The following PIK3R1 variants were observed in gnomAD, a reference collection of about 807,000 sequenced individuals.
PIK3R1 encodes phosphoinositide-3-kinase regulatory subunit 1.
Under a neutral mutation model 98.0 loss-of-function variants are expected in PIK3R1, and 29 were observed. The observed-to-expected ratio is 0.30, with a 90% confidence interval of 0.22 to 0.40. The LOEUF (loss-of-function observed/expected upper bound fraction) is 0.40, where lower values mean the gene tolerates loss of function less well. Among genes scored for constraint, PIK3R1 ranks in the 10% least tolerant of loss-of-function variants. The pLI is 1.00. For synonymous variants in PIK3R1, 282 were observed against 311.8 expected, an observed-to-expected ratio of 0.90 and a Z score of 1.01; for missense variants, 596 against 872.7, an observed-to-expected ratio of 0.68 and a Z score of 3.99.
chr5:68,239,362 TTAAAG>T (rs1322179838), intron 2 of PIK3R1, among the ~76,000 whole-genome samples: 1 of 152,058 alleles, frequency 6.6e-6, no homozygotes, highest in African/African-American at 2.4e-5. Flanking sequence ...TATGACTACT[TTAAAG>T]AAATACAGAC....
At chr5:68,223,521 G>A (rs1213415068) in intron 1 of PIK3R1, among the ~76,000 whole-genome samples, 1 of 152,116 alleles carries the variant, frequency 6.6e-6, no homozygotes, top group Non-Finnish European at 1.5e-5. Flanking sequence ...GACAGAAATG[G>A]TGTGTTCTAT....
chr5:68,244,343 A>G (rs251401), intron 2 of PIK3R1, among the ~76,000 whole-genome samples: 142,396 of 152,202 alleles, frequency 0.94, 66,778 homozygotes, highest in African/African-American at 0.98. Flanking sequence ...GACTAAATGG[A>G]TCATAATTAA....
chr5:68,295,563 T>C, intron 14 of PIK3R1, 75 bp downstream of exon 14: 1 of 1,259,998 alleles, frequency 7.9e-7, no homozygotes, highest in Non-Finnish European at 1.2e-6. Context: ...GCTTTGTTTT[T>C]AGAACAAGTG....
At chr5:68,240,843 G>A (rs1744848257) in intron 2 of PIK3R1, among the ~76,000 whole-genome samples, 1 of 152,056 alleles carries the variant, frequency 6.6e-6, no homozygotes, top group South Asian at 2.1e-4. Context: ...TATTCTAGAA[G>A]AGAAGGATGA....
At position 68,260,991 on chromosome 5, in the gene PIK3R1, T is replaced by G. The variant is rs1580214651; in HGVS notation, c.335-12399T>G. Among the ~76,000 whole-genome samples the G allele has an allele frequency of 3.9e-5, 6 of 152,266 alleles. No individual in the cohort carries two copies. The South Asian group carries it at 1.2e-3, about 32-fold the overall frequency. ...AACCACCTATCCCCTGGGTTAGAAA[T>G]TATAAGTTAGTGTAGCCCAGTGAAG... On this transcript the variant is annotated intron_variant, in intron 2 of 15. Coordinates refer to ENST00000521381, the MANE Select transcript of PIK3R1 (RefSeq NM_181523.3).
chr5:68,241,923 A>T (rs564278602), intron 2 of PIK3R1, among the ~76,000 whole-genome samples: 1 of 152,392 alleles, frequency 6.6e-6, no homozygotes, highest in South Asian at 2.1e-4. Context: ...GATATTAAAA[A>T]TGCTTGATTG....
chr5:68,299,679 C>T lies in PIK3R1; in HGVS notation c.*2078C>T, dbSNP rs578137604. 93 of 233,150 alleles carry T rather than the reference C, an allele frequency of 4.0e-4. 2 individuals carry two copies. In the South Asian group the frequency reaches 0.016, roughly 41 times the overall value. 14.4% of individuals were successfully genotyped at this position (233,150 alleles called of 1,614,324 possible). A position where few individuals can be genotyped will look rare whatever the true frequency, so the allele number is the denominator to read the frequency against. On this transcript the variant is annotated 3_prime_UTR_variant, in exon 16 of 16. Coordinates refer to ENST00000521381, the MANE Select transcript of PIK3R1 (RefSeq NM_181523.3). The stretch of plus-strand genomic sequence containing the variant: ...CCACAGCTATATTTCTGTTTAAGTA[C>T]TAGGGTGAGGGTTTTCTGTTACTTT...
At chr5:68,270,643 T>A (rs1021389954) in intron 2 of PIK3R1, among the ~76,000 whole-genome samples, 12 of 152,170 alleles carry the variant, frequency 7.9e-5, no homozygotes, top group Admixed American at 5.2e-4. Flanking sequence ...TTTAGCTTTT[T>A]GAGATTTGGG....
intron 4 of PIK3R1, among the ~76,000 whole-genome samples, chr5:68,277,660 C>A (rs1374142128): frequency 1.3e-5 from 2 of 152,152 alleles, no homozygotes; most frequent in Admixed American, 6.5e-5. Context: ...TAGGATACTA[C>A]CTTCTCCCAC....
chr5:68,288,379 AG>A (rs1747170666), intron 7 of PIK3R1: 1 of 1,121,762 alleles, frequency 8.9e-7, no homozygotes, highest in Admixed American at 4.9e-5. Flanking sequence ...TCTTTATCTA[AG>A]GGAGACGTGC....
chr5:68,217,292 G>A (rs1252548677), intron 1 of PIK3R1, among the ~76,000 whole-genome samples: 1 of 152,102 alleles, frequency 6.6e-6, no homozygotes, highest in Non-Finnish European at 1.5e-5. Context: ...GTTCTGTTAC[G>A]TTTTGGCAAC....
At chr5:68,292,140 A>G in intron 7 of PIK3R1, 119 bp from the exon 8 acceptor site, 1 of 570,324 alleles carries the variant, frequency 1.8e-6, no homozygotes, top group Non-Finnish European at 3.2e-6. Flanking sequence ...ATTGTGAACT[A>G]ATGCTATATA....
In PIK3R1 at chr5:68,297,836, T is replaced by G. The variant is rs985320427; in HGVS notation, c.*235T>G. 1.1e-5 allele frequency: 4 copies of G among 358,814 alleles called. No individual in the cohort carries two copies. Among genetic ancestry groups the G allele is most frequent in the African/African-American group, 2.1e-5 (1 of 47,990 alleles). The allele number at this position is 358,814 out of a possible 1,614,324, so 22.2% of individuals were successfully genotyped here. A position where few individuals can be genotyped will look rare whatever the true frequency, so the allele number is the denominator to read the frequency against. ...GTGCTTATCCCTTCTTTTTCTTTTT[T>G]TCTTTGGTTTAATTTAAAGCCACAA... On this transcript the variant is annotated 3_prime_UTR_variant, in exon 16 of 16. Transcript: ENST00000521381.
In PIK3R1 at chr5:68,294,643, G is replaced by C; in HGVS notation, c.1533G>C (p.Lys511Asn). The stretch of plus-strand genomic sequence containing the variant: ...GGTACAGCAAAGAATACATAGAAAA[G>C]TTTAAACGTGAAGGCAATGAGAAAG... ...QERYSKEYIE[K>N]FKREGNEKEI... Residue 511 changes from lysine to asparagine, a missense_variant, in exon 12 of 16, where the codon AAG becomes AAC. Around this residue, in one of 3 missense-constraint regions of PIK3R1, gnomAD observed 207 missense variants for 361.4 expected, o/e 0.57. Transcript: ENST00000521381. 6.2e-7 allele frequency: 1 copy of C among 1,608,996 alleles called. No individual in the cohort carries two copies. The highest frequency in any genetic ancestry group is 8.5e-7 in the Non-Finnish European group (1 of 1,178,096).
At chr5:68,228,155 G>C (rs138567882) in intron 2 of PIK3R1, among the ~76,000 whole-genome samples, 1 of 152,304 alleles carries the variant, frequency 6.6e-6, no homozygotes, top group Admixed American at 6.5e-5. Context: ...GAGGAGACCT[G>C]ACTGGCATCA....
In PIK3R1 at chr5:68,253,730, CT is replaced by C. The variant is rs1246676476; in HGVS notation, c.335-19658del. Reference sequence around the variant, plus strand: ...GGTGTTAGCAAGTATCTACTATGAGCTTGGGGATTGGCGAAATCTGGTACAA... The same window carrying C: ...GGTGTTAGCAAGTATCTACTATGAGCTGGGGATTGGCGAAATCTGGTACAA... On this transcript the variant is annotated intron_variant, in intron 2 of 15. Transcript: ENST00000521381. Among the ~76,000 whole-genome samples, 10 of 152,272 alleles carry C rather than the reference CT, an allele frequency of 6.6e-5. No homozygotes were observed. In the South Asian group the frequency reaches 2.1e-3, roughly 32 times the overall value.
intron 7 of PIK3R1, among the ~76,000 whole-genome samples, chr5:68,289,142 G>A (rs1412852256): frequency 6.6e-6 from 1 of 152,184 alleles, no homozygotes. Context: ...TGTTACACCC[G>A]CCACAGCTGC....
intron 1 of PIK3R1, among the ~76,000 whole-genome samples, chr5:68,222,587 C>G (rs536874347): frequency 6.6e-6 from 1 of 152,142 alleles, no homozygotes; most frequent in Non-Finnish European, 1.5e-5. Context: ...CGCAGGGACA[C>G]ATTTTAATGA....
chr5:68,252,337 AG>A (rs1313163239), intron 2 of PIK3R1, among the ~76,000 whole-genome samples: 2 of 150,776 alleles, frequency 1.3e-5, no homozygotes, highest in African/African-American at 4.9e-5. Flanking sequence ...CTTATTTGAA[AG>A]CAAAGCTTGT....
Sources: gnomAD v4.1 joint callset for allele counts (sites outside exome capture counted in the v4.1 genomes callset) on GRCh38, gnomAD v4.1.1 for gene constraint, gnomAD v4.1.1 regional missense constraint, MANE v1.5 for transcripts, NCBI Gene and HGNC (gene_info 2026-07-23, HGNC 2026-07-21) for gene names.